DLG2: variants seen among roughly 807,000 people sequenced by gnomAD.
DLG2 encodes discs large MAGUK scaffold protein 2.
Under a neutral mutation model 132.5 loss-of-function variants are expected in DLG2, and 45 were observed. The observed-to-expected ratio is 0.34, with a 90% CI of 0.27 to 0.44. DLG2 has a LOEUF of 0.44. Ranked by LOEUF, DLG2 falls within the 20% of genes least tolerant of loss-of-function variation. The pLI, the probability that DLG2 is intolerant of heterozygous loss-of-function variation, is 1.00. For synonymous variants in DLG2, 424 were observed against 419.6 expected (o/e 1.01, Z -0.13); for missense variants, 1,045 against 1,196.9 (o/e 0.87, Z 1.87).
chr11:85,339,267 C>A (rs1473149474), intron 3 of DLG2, among the ~76,000 whole-genome samples: 1 of 152,092 alleles, frequency 6.6e-6, no homozygotes, highest in Non-Finnish European at 1.5e-5. Context: ...TACATATGAA[C>A]ATGTAAGTTG....
chr11:83,672,135 C>T (rs1190423431), intron 18 of DLG2, among the ~76,000 whole-genome samples: 1 of 151,636 alleles, frequency 6.6e-6, no homozygotes, highest in Admixed American at 6.6e-5. Flanking sequence ...ATTTCCCTTC[C>T]TTCCCTTCTT....
intron 9 of DLG2, among the ~76,000 whole-genome samples, chr11:84,113,581 A>G (rs2093473546): frequency 6.6e-6 from 1 of 152,196 alleles, no homozygotes; most frequent in South Asian, 2.1e-4. Flanking sequence ...TGAGCTGACA[A>G]GCTTTCTGAC....
At chr11:84,932,099 C>T (rs1226219800) in intron 6 of DLG2, among the ~76,000 whole-genome samples, 1 of 152,148 alleles carries the variant, frequency 6.6e-6, no homozygotes, top group East Asian at 1.9e-4. Context: ...GTTTCTTTTG[C>T]TGTGCAGTAG....
intron 3 of DLG2, among the ~76,000 whole-genome samples, chr11:85,518,462 G>C (rs1174304450): frequency 6.6e-6 from 1 of 152,168 alleles, no homozygotes; most frequent in African/African-American, 2.4e-5. Context: ...ACTTAAGAGA[G>C]ATGAATGATT....
At chr11:85,000,832 A>C (rs2058141449) in intron 6 of DLG2, among the ~76,000 whole-genome samples, 1 of 152,178 alleles carries the variant, frequency 6.6e-6, no homozygotes. Flanking sequence ...AATAAATTAC[A>C]CGTGCAATTT....
At chr11:85,176,202 G>A (rs945261251) in intron 4 of DLG2, among the ~76,000 whole-genome samples, 11 of 152,110 alleles carry the variant, frequency 7.2e-5, no homozygotes, top group African/African-American at 2.4e-4. Context: ...CAGACTACCT[G>A]ACTTCAAACT....
chr11:85,379,221 A>G (rs923298944), intron 3 of DLG2, among the ~76,000 whole-genome samples: 31 of 152,186 alleles, frequency 2.0e-4, no homozygotes, highest in Admixed American at 1.7e-3. Context: ...AATGTCTGCT[A>G]GTCATTGTTA....
chr11:83,530,431 A>G (rs945832993), intron 21 of DLG2, among the ~76,000 whole-genome samples: 6 of 151,468 alleles, frequency 4.0e-5, no homozygotes, highest in Admixed American at 6.6e-5. Flanking sequence ...CTTGTTTTTC[A>G]TGGTGACAGC....
chr11:85,094,470 T>C (rs2069388556), intron 6 of DLG2, among the ~76,000 whole-genome samples: 1 of 152,232 alleles, frequency 6.6e-6, no homozygotes, highest in Admixed American at 6.5e-5. Context: ...GTAGCCACCT[T>C]CATCAATGAT....
chr11:84,213,728 A>G (rs1335766660), intron 8 of DLG2, among the ~76,000 whole-genome samples: 1 of 149,826 alleles, frequency 6.7e-6, no homozygotes, highest in Non-Finnish European at 1.5e-5. Flanking sequence ...CTGAGGCAGG[A>G]GAATGGCGTG....
chr11:84,925,187 C>A (rs965961756), intron 6 of DLG2, among the ~76,000 whole-genome samples: 5 of 151,922 alleles, frequency 3.3e-5, no homozygotes, highest in Admixed American at 3.3e-4. Context: ...TTAGTAGTTG[C>A]CGGGATATTT....
At chr11:85,080,882 A>G (rs1173328607) in intron 6 of DLG2, among the ~76,000 whole-genome samples, 14 of 152,148 alleles carry the variant, frequency 9.2e-5, no homozygotes, top group Admixed American at 7.9e-4. Context: ...GCCTCCAGCA[A>G]TAAGTCTAAG....
intron 3 of DLG2, among the ~76,000 whole-genome samples, chr11:85,407,206 C>T (rs1228315276): frequency 1.3e-5 from 2 of 151,768 alleles, no homozygotes; most frequent in East Asian, 3.9e-4. Flanking sequence ...TCTAGTTTAA[C>T]TTAAATGAAA....
At chr11:84,452,355 T>C (rs868112152) in intron 7 of DLG2, among the ~76,000 whole-genome samples, 2 of 151,668 alleles carry the variant, frequency 1.3e-5, no homozygotes, top group African/African-American at 4.8e-5. Context: ...TAAGCTACTG[T>C]GGGCAATCTG....
At chr11:84,050,066 G>T (rs988900333) in intron 11 of DLG2, among the ~76,000 whole-genome samples, 9 of 151,476 alleles carry the variant, frequency 5.9e-5, no homozygotes, top group Admixed American at 4.0e-4. Flanking sequence ...AAGAAGAGAA[G>T]ACTGAAACCA....
chr11:83,496,187 T>C (rs1403032410), intron 21 of DLG2, among the ~76,000 whole-genome samples: 1 of 133,050 alleles, frequency 7.5e-6, no homozygotes, highest in African/African-American at 3.7e-5. Context: ...TAACATAAGA[T>C]ATATATATAT....
At chr11:84,412,152 T>G (rs2098909080) in intron 7 of DLG2, among the ~76,000 whole-genome samples, 1 of 152,104 alleles carries the variant, frequency 6.6e-6, no homozygotes, top group Non-Finnish European at 1.5e-5. Context: ...GTGATGATGA[T>G]TATGAGAATG....
At chr11:83,715,639 T>A (rs2086514962) in intron 18 of DLG2, among the ~76,000 whole-genome samples, 1 of 152,112 alleles carries the variant, frequency 6.6e-6, no homozygotes, top group South Asian at 2.1e-4. Flanking sequence ...ACTTAACTGG[T>A]TTTACTACCT....
At chr11:83,560,004 T>C (rs2142747396) in intron 19 of DLG2, among the ~76,000 whole-genome samples, 1 of 152,300 alleles carries the variant, frequency 6.6e-6, no homozygotes, top group African/African-American at 2.4e-5. Context: ...ATTTTGGTAT[T>C]TCTGGGCTTT....
Sources: allele counts gnomAD v4.1 joint callset (sites outside exome capture counted in the v4.1 genomes callset), GRCh38; gene constraint gnomAD v4.1.1; transcripts MANE v1.5; gene names NCBI Gene and HGNC (gene_info 2026-07-23, HGNC 2026-07-21).